Variants in METTL15 observed in about 807,000 individuals in gnomAD.
METTL15 encodes 12S rRNA N(4)-cytidine methyltransferase METTL15.
METTL15 carries 34 observed loss-of-function variants against 38.3 expected under a neutral mutation model. The ratio of observed to expected loss-of-function variants is 0.89; its 90% CI spans 0.68 to 1.18. METTL15 has a LOEUF of 1.18. Among genes scored for constraint, METTL15 ranks in the 50% most tolerant of loss-of-function variants. The pLI is 0.00. For missense variants in METTL15, 438 were observed against 498.4 expected (o/e 0.88, Z 1.15); for synonymous variants, 162 against 170.9 (o/e 0.95, Z 0.41).
chr11:28,228,394 AAAT>A (rs1264143492), intron 4 of METTL15, among the ~76,000 whole-genome samples: 1 of 151,926 alleles, frequency 6.6e-6, no homozygotes, highest in Non-Finnish European at 1.5e-5. Flanking sequence ...TTAAAAATGG[AAAT>A]AATAACATTA....
At chr11:28,219,155 T>A (rs1365668924) in intron 4 of METTL15, among the ~76,000 whole-genome samples, 4 of 152,206 alleles carry the variant, frequency 2.6e-5, no homozygotes, top group Non-Finnish European at 4.4e-5. Flanking sequence ...TCCTTGTACC[T>A]CTGGTAGAAT....
rs192845358 is a variant in METTL15, at chr11:28,127,360, T to G, written c.270+13756T>G. On this transcript the variant is annotated intron_variant, in intron 3 of 6. Coordinates refer to ENST00000407364, the MANE Select transcript of METTL15 (RefSeq NM_001113528.2). ...AGGCTGCTAGAACGACTAGGTTGCT[T>G]AAAAAAAAATGGACATTTATTTCTC... 9.1e-4 allele frequency among the ~76,000 whole-genome samples: 137 copies of G among 150,898 alleles called. 1 individual carries two copies. The highest frequency in any genetic ancestry group is 3.3e-3 in the African/African-American group (136 of 41,104).
intron 6 of METTL15, among the ~76,000 whole-genome samples, chr11:28,309,555 A>G (rs1322191630): frequency 6.6e-6 from 1 of 152,040 alleles, no homozygotes; most frequent in Non-Finnish European, 1.5e-5. Context: ...ATACCCCGCA[A>G]CCCATGGTCC....
chr11:28,333,086 T>C lies in METTL15; in HGVS notation c.*2245T>C, dbSNP rs1849861089. 6.6e-6 allele frequency: 1 copy of C among 151,482 alleles called. No individual in the cohort carries two copies. The highest frequency in any genetic ancestry group is 1.5e-5 in the Non-Finnish European group (1 of 67,946). The allele number at this position is 151,482 out of a possible 1,614,324, so 9.4% of individuals were successfully genotyped here. ...AATAGATTCTCCCTCAGAGTTCCAG[T>C]AGTTGCCAACCCTGCTAACATGGTT... On this transcript the variant is annotated 3_prime_UTR_variant, in exon 7 of 7. Coordinates refer to ENST00000407364, the MANE Select transcript of METTL15 (RefSeq NM_001113528.2).
At chr11:28,512,329 G>A (rs1025710121) in intron 6 of METTL15, among the ~76,000 whole-genome samples, 2 of 152,210 alleles carry the variant, frequency 1.3e-5, no homozygotes, top group African/African-American at 2.4e-5. Context: ...CACGCAGTGC[G>A]CCCGCACTCC....
intron 4 of METTL15, among the ~76,000 whole-genome samples, chr11:28,215,679 A>G (rs566842991): frequency 2.2e-4 from 33 of 152,346 alleles, no homozygotes; most frequent in South Asian, 6.2e-4. Context: ...TTTGAAGGGC[A>G]TACAAGAAGA....
At chr11:28,256,635 CTT>C (rs1486358229) in intron 4 of METTL15, among the ~76,000 whole-genome samples, 1 of 151,840 alleles carries the variant, frequency 6.6e-6, no homozygotes, top group Admixed American at 6.6e-5. Context: ...ATTTATGTAA[CTT>C]TTCAAAAAAC....
intron 5 of METTL15, among the ~76,000 whole-genome samples, chr11:28,368,110 T>A (rs1312543230): frequency 9.4e-5 from 3 of 32,000 alleles, no homozygotes; most frequent in African/African-American, 3.6e-4. Context: ...CTAATTAAAC[T>A]AAAGAGCTTC....
intron 6 of METTL15, among the ~76,000 whole-genome samples, chr11:28,319,094 C>T (rs1849371906): frequency 6.6e-6 from 1 of 152,180 alleles, no homozygotes; most frequent in South Asian, 2.1e-4. Flanking sequence ...CACATCTCCC[C>T]AAGGGAAATG....
At chr11:28,320,838 A>T (rs905366432) in intron 6 of METTL15, among the ~76,000 whole-genome samples, 8 of 152,034 alleles carry the variant, frequency 5.3e-5, no homozygotes, top group Admixed American at 4.6e-4. Context: ...ATTTTTTTTT[A>T]AAGACAATTT....
intron 6 of METTL15, among the ~76,000 whole-genome samples, chr11:28,487,669 AT>A (rs1367621985): frequency 6.6e-6 from 1 of 152,138 alleles, no homozygotes; most frequent in Non-Finnish European, 1.5e-5. Flanking sequence ...AAAAGAAACA[AT>A]TGCTTAGAAG....
chr11:28,356,270 C>T (rs974495147), intron 4 of METTL15, among the ~76,000 whole-genome samples: 5 of 152,154 alleles, frequency 3.3e-5, no homozygotes, highest in Non-Finnish European at 7.3e-5. Flanking sequence ...TTTCGGTCTC[C>T]TCCCACTGGA....
chr11:28,125,031 A>G (rs887938432), intron 3 of METTL15, among the ~76,000 whole-genome samples: 2 of 152,120 alleles, frequency 1.3e-5, no homozygotes, highest in Non-Finnish European at 2.9e-5. Context: ...TTCTCTTGCT[A>G]GGGCCTGTTT....
chr11:28,341,799 C>G (rs1849955119), intron 3 of METTL15, among the ~76,000 whole-genome samples: 1 of 152,138 alleles, frequency 6.6e-6, no homozygotes, highest in South Asian at 2.1e-4. Flanking sequence ...CTCTCCACTT[C>G]TGGAGTGGAC....
chr11:28,356,858 A>G (rs987161022), intron 4 of METTL15, among the ~76,000 whole-genome samples: 3 of 152,164 alleles, frequency 2.0e-5, no homozygotes, highest in African/African-American at 7.2e-5. Context: ...GGAGACCCAT[A>G]TGGCATCCTG....
intron 5 of METTL15, among the ~76,000 whole-genome samples, chr11:28,292,715 C>T (rs1473692345): frequency 3.3e-5 from 5 of 152,096 alleles, no homozygotes; most frequent in East Asian, 1.9e-4. Flanking sequence ...TCCTCTCCAG[C>T]GCCTGTTGTT....
chr11:28,472,686 G>C (rs1001827862), intron 6 of METTL15, among the ~76,000 whole-genome samples: 5 of 152,154 alleles, frequency 3.3e-5, no homozygotes, highest in African/African-American at 9.7e-5. Context: ...AACTCAAGGA[G>C]AGATTGGATG....
At chr11:28,313,415 T>A (rs1004441381) in intron 6 of METTL15, among the ~76,000 whole-genome samples, 1 of 151,972 alleles carries the variant, frequency 6.6e-6, no homozygotes, top group African/African-American at 2.4e-5. Flanking sequence ...AAATATGAAT[T>A]CATTATTAAT....
intron 6 of METTL15, among the ~76,000 whole-genome samples, chr11:28,492,567 T>C (rs1851505121): frequency 6.6e-6 from 1 of 151,764 alleles, no homozygotes; most frequent in East Asian, 1.9e-4. Flanking sequence ...CAACATTGAA[T>C]GCTGACTTAT....
Sources: allele counts gnomAD v4.1 joint callset (sites outside exome capture counted in the v4.1 genomes callset), GRCh38; gene constraint gnomAD v4.1.1; transcripts MANE v1.5; gene names NCBI Gene and HGNC (gene_info 2026-07-23, HGNC 2026-07-21).